DEPTOR: variants seen among roughly 807,000 people sequenced by gnomAD.
The protein encoded by DEPTOR is DEP domain-containing mTOR-interacting protein.
A neutral mutation model predicts 41.6 loss-of-function variants in DEPTOR; 41 were observed. The ratio of observed to expected loss-of-function variants is 0.98; its 90% CI spans 0.77 to 1.28. The LOEUF (loss-of-function observed/expected upper bound fraction) is 1.28, where lower values mean the gene tolerates loss of function less well. Among genes scored for constraint, DEPTOR ranks in the 50% most tolerant of loss-of-function variants. The pLI is 0.00. For missense variants in DEPTOR, 514 were observed against 527.9 expected (o/e 0.97, Z 0.26); for synonymous variants, 195 against 192.3 (o/e 1.01, Z -0.12).
rs984929050 is a variant in DEPTOR at position 119,979,133 on chromosome 8, C to T, written c.604+13723C>T. ...AAGGAATCTCACTTACACTCACATA[C>T]ATCTATCCTGACTATGATTGGAAAA... On this transcript the variant is annotated intron_variant, in intron 4 of 8. Transcript: ENST00000286234. Among the ~76,000 whole-genome samples the T allele has an allele frequency of 7.9e-5, 12 of 152,274 alleles. No homozygotes were observed. The South Asian group carries it at 2.5e-3, about 32-fold the overall frequency.
In DEPTOR at chr8:119,886,926, C is replaced by T. The variant is rs373121637; in HGVS notation, c.122+12958C>T. Reference sequence around the variant, plus strand: ...AGTGCCTGCTATTTGTCGGGCATCTCAGTACTAGCTGTGAGAGATACCAAG... The same window carrying T: ...AGTGCCTGCTATTTGTCGGGCATCTTAGTACTAGCTGTGAGAGATACCAAG... On this transcript the variant is annotated intron_variant, in intron 1 of 8. Coordinates refer to ENST00000286234, the MANE Select transcript of DEPTOR (RefSeq NM_022783.4). Among the ~76,000 whole-genome samples, 61 of 152,252 alleles carry T rather than the reference C, an allele frequency of 4.0e-4. No homozygotes were observed. In the Middle Eastern group the frequency reaches 0.027, roughly 68 times the overall value.
intron 1 of DEPTOR, among the ~76,000 whole-genome samples, chr8:119,910,239 A>G (rs1827719727): frequency 6.6e-6 from 1 of 152,220 alleles, no homozygotes; most frequent in Non-Finnish European, 1.5e-5. Context: ...TAAGAAAGGG[A>G]AAATGCAAAC....
chr8:119,949,890 G>A (rs534231631), intron 3 of DEPTOR, among the ~76,000 whole-genome samples: 9 of 152,106 alleles, frequency 5.9e-5, no homozygotes, highest in East Asian at 5.8e-4. Context: ...ATGTTGGCCC[G>A]GCTGGTCTTG....
At chr8:120,009,275 G>C (rs539466463) in intron 8 of DEPTOR, 142 bp downstream of exon 8, 1 of 744,406 alleles carries the variant, frequency 1.3e-6, no homozygotes, top group Non-Finnish European at 2.1e-6. Flanking sequence ...GTTCTCCAAA[G>C]TCTTTAACCT....
At chr8:119,890,947 A>T (rs1335397050) in intron 1 of DEPTOR, among the ~76,000 whole-genome samples, 1 of 152,222 alleles carries the variant, frequency 6.6e-6, no homozygotes, top group African/African-American at 2.4e-5. Flanking sequence ...AGGAAAAGAC[A>T]TATGCATTTA....
chr8:119,885,487 A>G (rs957207261), intron 1 of DEPTOR, among the ~76,000 whole-genome samples: 1 of 152,214 alleles, frequency 6.6e-6, no homozygotes, highest in Admixed American at 6.5e-5. Flanking sequence ...CAAACCAGTC[A>G]TCAATAAAAT....
chr8:120,015,714 T>G (rs1419282014), intron 8 of DEPTOR, among the ~76,000 whole-genome samples: 1 of 151,918 alleles, frequency 6.6e-6, no homozygotes, highest in Non-Finnish European at 1.5e-5. Context: ...GGAGGGGGGC[T>G]CCAAAGCCGA....
chr8:120,018,011 C>T (rs1217880697), intron 8 of DEPTOR, among the ~76,000 whole-genome samples: 3 of 152,096 alleles, frequency 2.0e-5, no homozygotes, highest in East Asian at 3.9e-4. Flanking sequence ...CCATGATGTC[C>T]TTTTTTTCCT....
At chr8:119,898,667 T>C (rs1161144822) in intron 1 of DEPTOR, among the ~76,000 whole-genome samples, 1 of 151,024 alleles carries the variant, frequency 6.6e-6, no homozygotes, top group East Asian at 1.9e-4. Context: ...GAGGTTGCAG[T>C]GAGCTGAGAT....
chr8:119,879,675 C>T (rs181181161), intron 1 of DEPTOR, among the ~76,000 whole-genome samples: 135 of 152,104 alleles, frequency 8.9e-4, no homozygotes, highest in African/African-American at 2.9e-3. Context: ...TGCACCATGA[C>T]ACTCCAGCCT....
intron 6 of DEPTOR, 140 bp downstream of exon 6, chr8:120,003,251 A>T: frequency 7.1e-7 from 1 of 1,405,508 alleles, no homozygotes; most frequent in Non-Finnish European, 9.5e-7. Context: ...ACACGTGTTG[A>T]ATGGAAGGGA....
At chr8:119,914,759 A>G (rs931854241) in intron 1 of DEPTOR, among the ~76,000 whole-genome samples, 1 of 152,178 alleles carries the variant, frequency 6.6e-6, no homozygotes, top group Admixed American at 6.5e-5. Flanking sequence ...GAAAAATGCA[A>G]ATCCTTGGGC....
chr8:119,916,407 C>CA (rs1827816515), intron 1 of DEPTOR, among the ~76,000 whole-genome samples: 2 of 151,770 alleles, frequency 1.3e-5, no homozygotes, highest in Non-Finnish European at 2.9e-5. Context: ...AGGCACGAGC[C>CA]ACGGTGCCCA....
chr8:119,936,640 C>T (rs1004714240), intron 3 of DEPTOR, among the ~76,000 whole-genome samples: 12 of 152,178 alleles, frequency 7.9e-5, no homozygotes, highest in African/African-American at 2.9e-4. Context: ...AAAAAGTCTT[C>T]AAGCTTTTGT....
rs374839964 is a variant in DEPTOR at position 119,878,467 on chromosome 8, G to A, written c.122+4499G>A. Among the ~76,000 whole-genome samples the A allele has an allele frequency of 3.3e-4, 50 of 151,968 alleles. 1 individual carries two copies. The highest frequency in any genetic ancestry group is 1.2e-3 in the African/African-American group (48 of 41,436). ...CCCGAGTAGGTGGGATTACAGGTGC[G>A]TGCCACCACACCCAGTTAATTTTTT... On this transcript the variant is annotated intron_variant, in intron 1 of 8. Coordinates refer to ENST00000286234, the MANE Select transcript of DEPTOR (RefSeq NM_022783.4).
chr8:120,031,684 C>A (rs1172312669), intron 8 of DEPTOR, among the ~76,000 whole-genome samples: 1 of 152,102 alleles, frequency 6.6e-6, no homozygotes, highest in Non-Finnish European at 1.5e-5. Context: ...CTCTACTCAT[C>A]TTTGCCTTAA....
chr8:119,876,640 A>T (rs1170518996), intron 1 of DEPTOR, among the ~76,000 whole-genome samples: 2 of 150,766 alleles, frequency 1.3e-5, no homozygotes, highest in African/African-American at 2.4e-5. Flanking sequence ...TCCATCTCAA[A>T]AAAAAAAAAA....
At chr8:120,008,526 T>TAAA (rs1401244971) in intron 7 of DEPTOR, among the ~76,000 whole-genome samples, 1 of 27,670 alleles carries the variant, frequency 3.6e-5, no homozygotes, top group African/African-American at 9.7e-5. Flanking sequence ...AGACTCTGTC[T>TAAA]CAAAAAAAAA....
At chr8:119,916,274 T>G (rs868487256) in intron 1 of DEPTOR, among the ~76,000 whole-genome samples, 34,389 of 121,904 alleles carry the variant, frequency 0.28, 5,001 homozygotes, top group African/African-American at 0.43. Context: ...TAATTTTTTT[T>G]TTTTTTTTTT....
Sources: gnomAD v4.1 joint callset for allele counts (sites outside exome capture counted in the v4.1 genomes callset) on GRCh38, gnomAD v4.1.1 for gene constraint, MANE v1.5 for transcripts, NCBI Gene and HGNC (gene_info 2026-07-23, HGNC 2026-07-21) for gene names.